Variants in SYNDIG1 observed in about 807,000 individuals in gnomAD.
SYNDIG1 encodes synapse differentiation inducing 1.
Under a neutral mutation model 19.4 loss-of-function variants are expected in SYNDIG1, and 9 were observed. The ratio of observed to expected loss-of-function variants is 0.46; its 90% CI spans 0.28 to 0.81. The LOEUF is 0.81. Ranked by LOEUF, SYNDIG1 falls within the 30% of genes least tolerant of loss-of-function variation. The pLI is 0.12. For missense variants in SYNDIG1, 311 were observed against 343.3 expected (o/e 0.91, Z 0.74); for synonymous variants, 141 against 145.9 (o/e 0.97, Z 0.24).
At chr20:24,596,120 G>C (rs1384973827) in intron 3 of SYNDIG1, among the ~76,000 whole-genome samples, 3 of 152,078 alleles carry the variant, frequency 2.0e-5, no homozygotes, top group African/African-American at 7.2e-5. Flanking sequence ...TCTTTGCACT[G>C]TTTTAGCTGT....
chr20:24,493,224 G>A (rs762745911), intron 1 of SYNDIG1, among the ~76,000 whole-genome samples: 1 of 152,244 alleles, frequency 6.6e-6, no homozygotes, highest in Non-Finnish European at 1.5e-5. Flanking sequence ...AATGTGAAAA[G>A]CTAAATGAAC....
chr20:24,485,867 C>G (rs2055941851), intron 1 of SYNDIG1, among the ~76,000 whole-genome samples: 1 of 152,192 alleles, frequency 6.6e-6, no homozygotes, highest in Non-Finnish European at 1.5e-5. Flanking sequence ...GCTGCTACTG[C>G]CCCCGATATC....
At chr20:24,657,503 T>C (rs1183564496) in intron 3 of SYNDIG1, among the ~76,000 whole-genome samples, 1 of 152,212 alleles carries the variant, frequency 6.6e-6, no homozygotes, top group Non-Finnish European at 1.5e-5. Context: ...ACACAGTCTG[T>C]ACATTTGGTT....
intron 2 of SYNDIG1, among the ~76,000 whole-genome samples, chr20:24,555,202 C>T (rs200025226): frequency 6.6e-6 from 1 of 151,706 alleles, no homozygotes; most frequent in Non-Finnish European, 1.5e-5. Context: ...TCTTTTCTTC[C>T]TTATTAGTCT....
At chr20:24,541,867 A>C (rs950176504) in intron 1 of SYNDIG1, among the ~76,000 whole-genome samples, 1 of 152,258 alleles carries the variant, frequency 6.6e-6, no homozygotes, top group African/African-American at 2.4e-5. Flanking sequence ...ACAGAGAGCC[A>C]TGTGGATAAC....
intron 3 of SYNDIG1, among the ~76,000 whole-genome samples, chr20:24,609,776 A>G (rs184740295): frequency 2.6e-5 from 4 of 152,210 alleles, no homozygotes; most frequent in Admixed American, 2.6e-4. Flanking sequence ...CCACCTTAAC[A>G]TTCATATCTC....
rs145049673 is a variant in SYNDIG1 at position 24,519,785 on chromosome 20, CCTCT to C, written c.-78-23225_-78-23222del. On this transcript the variant is annotated intron_variant, in intron 1 of 3. Coordinates refer to ENST00000376862, the MANE Select transcript of SYNDIG1 (RefSeq NM_024893.3). ...CTCTTTCTCCCTCCTTCTCCTTCTC[CCTCT>C]CTCTCTCTCCCTTAGACAGACAGAC... 2.2e-3 allele frequency among the ~76,000 whole-genome samples: 328 copies of C among 151,510 alleles called. 7 individuals carry two copies. Among genetic ancestry groups the C allele is most frequent in the South Asian group, 4.4e-3 (21 of 4,776 alleles).
intron 2 of SYNDIG1, among the ~76,000 whole-genome samples, chr20:24,581,772 A>C (rs1394569633): frequency 6.7e-6 from 1 of 149,958 alleles, no homozygotes; most frequent in African/African-American, 2.5e-5. Context: ...CATGTGCTCC[A>C]TGTTGCACAT....
intron 1 of SYNDIG1, among the ~76,000 whole-genome samples, chr20:24,476,635 A>G (rs2146210020): frequency 6.6e-6 from 1 of 152,030 alleles, no homozygotes; most frequent in South Asian, 2.1e-4. Context: ...CCGCCACTAC[A>G]CTCCAGCCTG....
intron 3 of SYNDIG1, among the ~76,000 whole-genome samples, chr20:24,632,281 C>G (rs1362643360): frequency 6.6e-6 from 1 of 152,160 alleles, no homozygotes; most frequent in African/African-American, 2.4e-5. Flanking sequence ...CAGTCTCGCT[C>G]CAGGCTGGAG....
chr20:24,500,439 T>C (rs2056413019), intron 1 of SYNDIG1, among the ~76,000 whole-genome samples: 1 of 152,060 alleles, frequency 6.6e-6, no homozygotes, highest in African/African-American at 2.4e-5. Flanking sequence ...ACTTAGAGAG[T>C]TGGCTGTTTC....
intron 2 of SYNDIG1, 52 bp downstream of exon 2, chr20:24,543,629 T>C (rs1568627607): frequency 6.4e-7 from 1 of 1,568,330 alleles, no homozygotes; most frequent in Non-Finnish European, 8.6e-7. Flanking sequence ...ATGGGGATTC[T>C]AGGGAGGGCA....
intron 1 of SYNDIG1, among the ~76,000 whole-genome samples, chr20:24,498,272 C>T (rs180903566): frequency 1.4e-4 from 21 of 152,310 alleles, no homozygotes; most frequent in Admixed American, 1.3e-3. Flanking sequence ...CTTCCTCCCA[C>T]CCCATTTATT....
At chr20:24,536,434 A>G (rs1776594247) in intron 1 of SYNDIG1, among the ~76,000 whole-genome samples, 1 of 152,190 alleles carries the variant, frequency 6.6e-6, no homozygotes, top group African/African-American at 2.4e-5. Flanking sequence ...CACCCCATTC[A>G]GGAGACCCGG....
At chr20:24,651,948 A>G (rs1211338360) in intron 3 of SYNDIG1, among the ~76,000 whole-genome samples, 1 of 152,212 alleles carries the variant, frequency 6.6e-6, no homozygotes, top group East Asian at 1.9e-4. Context: ...GGCAGTCCAG[A>G]CACCAGTGAC....
intron 1 of SYNDIG1, among the ~76,000 whole-genome samples, chr20:24,504,785 C>T (rs958087382): frequency 2.6e-5 from 4 of 152,194 alleles, no homozygotes; most frequent in Non-Finnish European, 4.4e-5. Flanking sequence ...TCATGAGCTA[C>T]GCAAAAGCCT....
At chr20:24,618,303 G>C (rs193041445) in intron 3 of SYNDIG1, among the ~76,000 whole-genome samples, 2 of 148,328 alleles carry the variant, frequency 1.3e-5, no homozygotes, top group South Asian at 4.4e-4. Context: ...CCCAGGGAAG[G>C]GGGAGAGCCC....
chr20:24,563,325 C>T (rs1360902826), intron 2 of SYNDIG1, among the ~76,000 whole-genome samples: 1 of 152,194 alleles, frequency 6.6e-6, no homozygotes. Flanking sequence ...TTTGAATAAA[C>T]AGAAATCGAT....
chr20:24,487,006 G>T (rs7272293), intron 1 of SYNDIG1, among the ~76,000 whole-genome samples: 3,520 of 151,994 alleles, frequency 0.023, 142 homozygotes, highest in African/African-American at 0.079. Flanking sequence ...CTGCTAGCCC[G>T]CAGGACACAC....
Sources: allele counts gnomAD v4.1 joint callset (sites outside exome capture counted in the v4.1 genomes callset), GRCh38; gene constraint gnomAD v4.1.1; transcripts MANE v1.5; gene names NCBI Gene and HGNC (gene_info 2026-07-23, HGNC 2026-07-21).